SP1: variants seen among roughly 807,000 people sequenced by gnomAD.
SP1 encodes Sp1 transcription factor, also known as transcription factor Sp1.
SP1 carries 6 observed loss-of-function variants against 66.3 expected under a neutral mutation model. The ratio of observed to expected loss-of-function variants is 0.09; its 90% CI spans 0.05 to 0.18. The LOEUF (loss-of-function observed/expected upper bound fraction) is 0.18, where lower values mean the gene tolerates loss of function less well. SP1 is among the 10% of genes least tolerant of loss of function. The pLI is 1.00. For missense variants in SP1, 848 were observed against 964.5 expected (o/e 0.88, Z 1.60); for synonymous variants, 417 against 360.8 (o/e 1.16, Z -1.77).
rs768832603 is a variant in SP1 at position 53,382,494 on chromosome 12, G to C, written c.547G>C (p.Asp183His). The change falls in exon 3 of 6, where the codon GAT (aspartate) becomes CAT (histidine). Residue 183 changes from aspartate (D) to histidine (H), a missense_variant. Coordinates refer to ENST00000327443, the MANE Select transcript of SP1 (RefSeq NM_138473.3). ...YQVIPQFQTV[D>H]GQQLQFAATG... Reference sequence around the variant, plus strand: ...AGTAATCCCACAGTTCCAGACCGTTGATGGGCAACAGCTGCAGTTTGCTGC... The same window carrying C: ...AGTAATCCCACAGTTCCAGACCGTTCATGGGCAACAGCTGCAGTTTGCTGC... 1 of 1,614,168 alleles carries C rather than the reference G, an allele frequency of 6.2e-7. No homozygotes were observed. The highest frequency in any genetic ancestry group is 1.3e-5 in the African/African-American group (1 of 75,054).
intron 3 of SP1, among the ~76,000 whole-genome samples, chr12:53,398,403 C>T (rs1008856333): frequency 6.6e-6 from 1 of 152,200 alleles, no homozygotes; most frequent in Admixed American, 6.6e-5. Flanking sequence ...CTGCCTCAGC[C>T]TCCCAGGTAG....
In SP1 at chr12:53,396,595, CAG is replaced by C. The variant is rs1291582362; in HGVS notation, c.1676-9988_1676-9987del. Among the ~76,000 whole-genome samples the C allele has an allele frequency of 2.0e-5, 3 of 152,042 alleles. No individual in the cohort carries two copies. The East Asian group carries it at 5.8e-4, about 29-fold the overall frequency. The stretch of plus-strand genomic sequence containing the variant: ...AAACAAAACAAAACAAAACAAAAAA[CAG>C]ATAAGGTTGCTGCCTTCATAGTGTG... On this transcript the variant is annotated intron_variant, in intron 3 of 5. Coordinates refer to ENST00000327443, the MANE Select transcript of SP1 (RefSeq NM_138473.3).
chr12:53,409,831 A>G (rs1938837323), intron 5 of SP1, among the ~76,000 whole-genome samples: 1 of 151,470 alleles, frequency 6.6e-6, no homozygotes, highest in African/African-American at 2.4e-5. Flanking sequence ...AACATGGTGA[A>G]ACCCCGTCTC....
At chr12:53,410,348 G>T (rs1938853012) in intron 5 of SP1, among the ~76,000 whole-genome samples, 1 of 151,850 alleles carries the variant, frequency 6.6e-6, no homozygotes, top group South Asian at 2.1e-4. Context: ...ATTTTGAGTG[G>T]GATTTTTGAA....
At chr12:53,407,778 A>T (rs545107221) in intron 4 of SP1, among the ~76,000 whole-genome samples, 1 of 151,776 alleles carries the variant, frequency 6.6e-6, no homozygotes, top group East Asian at 2.0e-4. Context: ...CTGGGACTAC[A>T]GGTGCCCGCC....
At chr12:53,385,706 A>G (rs1332802232) in intron 3 of SP1, among the ~76,000 whole-genome samples, 9 of 152,126 alleles carry the variant, frequency 5.9e-5, no homozygotes, top group Non-Finnish European at 8.8e-5. Context: ...TGAGGTCAGG[A>G]GTTCAAGACC....
In SP1 at chr12:53,411,445, A is replaced by T. The variant is rs1281941787; in HGVS notation, c.*205A>T. ...CAGTGCCTCTTTGAAGGTGGGAAACATTAGTGAAAATTCTGTTGGTGCCAC... is the reference window on the plus strand; with the variant it reads ...CAGTGCCTCTTTGAAGGTGGGAAACTTTAGTGAAAATTCTGTTGGTGCCAC... On this transcript the variant is annotated 3_prime_UTR_variant, in exon 6 of 6. Coordinates refer to ENST00000327443, the MANE Select transcript of SP1 (RefSeq NM_138473.3). 1 of 486,974 alleles carries T rather than the reference A, an allele frequency of 2.1e-6. No homozygotes were observed. The highest frequency in any genetic ancestry group is 2.0e-5 in the African/African-American group (1 of 50,590). The allele number at this position is 486,974 out of a possible 1,614,324, so 30.2% of individuals were successfully genotyped here.
At chr12:53,406,821 A>C in intron 4 of SP1, 68 bp downstream of exon 4, 1 of 1,409,114 alleles carries the variant, frequency 7.1e-7, no homozygotes, top group Non-Finnish European at 9.5e-7. Context: ...TAAGAGGAAG[A>C]AGATTAATTT....
intron 3 of SP1, among the ~76,000 whole-genome samples, chr12:53,401,029 A>G (rs1938597862): frequency 1.3e-5 from 2 of 151,950 alleles, no homozygotes. Context: ...CCTAAAGACC[A>G]AAGTGCTGGG....
rs1241598166 is a variant in SP1 at position 53,380,225 on chromosome 12, C to T, written c.-67C>T. 2 of 1,242,624 alleles carry T rather than the reference C, an allele frequency of 1.6e-6. No homozygotes were observed. The highest frequency in any genetic ancestry group is 1.7e-5 in the Admixed American group (1 of 57,898). The allele number at this position is 1,242,624 out of a possible 1,614,324, so 77.0% of individuals were successfully genotyped here. A position where few individuals can be genotyped will look rare whatever the true frequency, so the allele number is the denominator to read the frequency against. ...GGTTCGCTTGCCTCGTCAGCGTCCGCGTTTTTCCCGGCCCCCCCCAACCCC... is the reference window on the plus strand; with the variant it reads ...GGTTCGCTTGCCTCGTCAGCGTCCGTGTTTTTCCCGGCCCCCCCCAACCCC... On this transcript the variant is annotated 5_prime_UTR_variant, in exon 1 of 6. Coordinates refer to ENST00000327443, the MANE Select transcript of SP1 (RefSeq NM_138473.3).
chr12:53,380,605 C>A, intron 1 of SP1: 2 of 1,015,262 alleles, frequency 2.0e-6, no homozygotes, highest in Non-Finnish European at 2.4e-6. Flanking sequence ...AGGCTCCTCC[C>A]GCCGGGGGCT....
Position 53,409,988 on chromosome 12 carries a change from C to T in SP1, c.2044+427C>T, listed in dbSNP as rs563486931. 3.3e-4 allele frequency among the ~76,000 whole-genome samples: 50 copies of T among 150,144 alleles called. No individual in the cohort carries two copies. The Middle Eastern group carries it at 0.014, about 43-fold the overall frequency. On this transcript the variant is annotated intron_variant, in intron 5 of 5. Coordinates refer to ENST00000327443, the MANE Select transcript of SP1 (RefSeq NM_138473.3). ...TCGTGCCACTGCACTCCAGCCTGGG[C>T]GACAGAGCGAGACACTGTCTCAAAA... is the stretch of plus-strand genomic sequence containing the variant.
intron 1 of SP1, among the ~76,000 whole-genome samples, chr12:53,381,061 C>T (rs1486065714): frequency 6.8e-6 from 1 of 147,670 alleles, no homozygotes; most frequent in Non-Finnish European, 1.5e-5. Context: ...AGGCGATTCT[C>T]CTGCCTCAGC....
At chr12:53,409,128 G>A (rs1938821919) in intron 4 of SP1, among the ~76,000 whole-genome samples, 1 of 151,968 alleles carries the variant, frequency 6.6e-6, no homozygotes, top group Non-Finnish European at 1.5e-5. Flanking sequence ...GGGAGGCTGA[G>A]GCAGGAGAAT....
intron 3 of SP1, among the ~76,000 whole-genome samples, chr12:53,393,166 C>T (rs1157952954): frequency 6.6e-6 from 1 of 152,100 alleles, no homozygotes; most frequent in Non-Finnish European, 1.5e-5. Flanking sequence ...AAGACAAAGA[C>T]TTAGGCAGGT....
intron 5 of SP1, among the ~76,000 whole-genome samples, chr12:53,409,981 G>C (rs1200350243): frequency 6.6e-6 from 1 of 151,700 alleles, no homozygotes; most frequent in Non-Finnish European, 1.5e-5. Context: ...CTGCACTCCA[G>C]CCTGGGCGAC....
chr12:53,384,233 T>C (rs1393299065), intron 3 of SP1, among the ~76,000 whole-genome samples: 1 of 151,776 alleles, frequency 6.6e-6, no homozygotes, highest in East Asian at 1.9e-4. Context: ...CCTCCCAAAG[T>C]GCTGGGATTA....
In SP1 at chr12:53,382,721, G is replaced by A; in HGVS notation, c.774G>A (p.Val258=). 6.2e-7 allele frequency: 1 copy of A among 1,614,108 alleles called. No individual in the cohort carries two copies. Among genetic ancestry groups the A allele is most frequent in the Non-Finnish European group, 8.5e-7 (1 of 1,180,022 alleles). Residue 258 remains valine (V), a synonymous_variant, in exon 3 of 6, where the codon GTG becomes GTA. Coordinates refer to ENST00000327443, the MANE Select transcript of SP1 (RefSeq NM_138473.3). Reference sequence around the variant, plus strand: ...CTCAGTATGTGACCAATGTACCAGTGGCCCTGAATGGGAACATCACCTTGC... The same window carrying A: ...CTCAGTATGTGACCAATGTACCAGTAGCCCTGAATGGGAACATCACCTTGC... ...GQTQYVTNVP[V]ALNGNITLLP... is the part of the protein sequence containing the mutation.
chr12:53,388,427 G>A (rs772885612), intron 3 of SP1, among the ~76,000 whole-genome samples: 7 of 152,150 alleles, frequency 4.6e-5, no homozygotes, highest in Non-Finnish European at 1.0e-4. Context: ...AAGAAAATGC[G>A]TGTGTGTTTC....
Sources: gnomAD v4.1 joint callset for allele counts (sites outside exome capture counted in the v4.1 genomes callset) on GRCh38, gnomAD v4.1.1 for gene constraint, MANE v1.5 for transcripts, NCBI Gene and HGNC (gene_info 2026-07-23, HGNC 2026-07-21) for gene names.